Variants in DENND2A observed in about 807,000 individuals in gnomAD.
The protein encoded by DENND2A is DENN domain-containing protein 2A.
A neutral mutation model predicts 105.3 loss-of-function variants in DENND2A; 53 were observed. The ratio of observed to expected loss-of-function variants is 0.50; its 90% CI spans 0.40 to 0.63. The LOEUF is 0.63. Ranked by LOEUF, DENND2A falls within the 30% of genes least tolerant of loss-of-function variation. DENND2A has a pLI of 0.00. For missense variants in DENND2A, 1,138 were observed against 1,279.6 expected (o/e 0.89, Z 1.69); for synonymous variants, 522 against 508.4 (o/e 1.03, Z -0.36).
chr7:140,628,536 CTTTT>C (rs987018660), intron 1 of DENND2A, among the ~76,000 whole-genome samples: 1 of 116,138 alleles, frequency 8.6e-6, no homozygotes, highest in Non-Finnish European at 1.8e-5. Flanking sequence ...AAATTTCTTT[CTTTT>C]TTTTTTTTTT....
Position 140,527,571 on chromosome 7 carries a change from TC to T in DENND2A, c.2328-77del. The stretch of plus-strand genomic sequence containing the variant: ...GGAAGCCTCCAGGGGAGAAGGCTCC[TC>T]CCAGAGACAGGATGACTAGGAAAGG... On this transcript the variant is annotated intron_variant, in intron 14 of 19. Transcript: ENST00000496613. This position sits in a 1 kb window ranked among gnomAD's most constrained non-coding sequence, Gnocchi z 4.9. 7.0e-7 allele frequency: 1 copy of T among 1,428,558 alleles called. No individual in the cohort carries two copies. 88.5% of individuals were successfully genotyped at this position (1,428,558 alleles called of 1,614,324 possible).
intron 2 of DENND2A, among the ~76,000 whole-genome samples, chr7:140,604,238 C>T (rs1179463433): frequency 6.6e-6 from 1 of 152,230 alleles, no homozygotes; most frequent in Non-Finnish European, 1.5e-5. Context: ...GCTTTCTATT[C>T]CCAAGGTTGT....
At chr7:140,538,594 C>G (rs1796532780) in intron 14 of DENND2A, among the ~76,000 whole-genome samples, 1 of 152,038 alleles carries the variant, frequency 6.6e-6, no homozygotes, top group African/African-American at 2.4e-5. Flanking sequence ...GCAACCTCCA[C>G]CTCCCAGGTT....
chr7:140,527,540 G>A lies in DENND2A; in HGVS notation c.2328-45C>T, dbSNP rs1346794146. On this transcript the variant is annotated intron_variant, in intron 14 of 19. Coordinates refer to ENST00000496613, the MANE Select transcript of DENND2A (RefSeq NM_015689.5). This position sits in a 1 kb window ranked among gnomAD's most constrained non-coding sequence, Gnocchi z 4.9. Reference sequence around the variant, plus strand: ...AGGGAGAGAGGCCGACTCAGCGAGGGCCCGAGGAAGCCTCCAGGGGAGAAG... The same window carrying A: ...AGGGAGAGAGGCCGACTCAGCGAGGACCCGAGGAAGCCTCCAGGGGAGAAG... 5 of 1,533,104 alleles carry A rather than the reference G, an allele frequency of 3.3e-6. No homozygotes were observed. Among genetic ancestry groups the A allele is most frequent in the Non-Finnish European group, 3.5e-6 (4 of 1,136,374 alleles). The allele number at this position is 1,533,104 out of a possible 1,614,324, so 95.0% of individuals were successfully genotyped here.
chr7:140,592,954 C>G (rs776926084), intron 3 of DENND2A, among the ~76,000 whole-genome samples: 1 of 152,144 alleles, frequency 6.6e-6, no homozygotes, highest in Non-Finnish European at 1.5e-5. Flanking sequence ...ATCAGTCCTC[C>G]CCTTCTGAGG....
At chr7:140,530,379 C>T (rs1272976289) in intron 14 of DENND2A, among the ~76,000 whole-genome samples, 1 of 152,126 alleles carries the variant, frequency 6.6e-6, no homozygotes, top group Non-Finnish European at 1.5e-5. Context: ...ACTATTGAAT[C>T]TTGTTCATTT....
chr7:140,568,227 A>C (rs1797954949), intron 8 of DENND2A, among the ~76,000 whole-genome samples: 1 of 152,184 alleles, frequency 6.6e-6, no homozygotes, highest in Non-Finnish European at 1.5e-5. Context: ...GGCGTGAGCC[A>C]CCAAGCCCGG....
intron 1 of DENND2A, among the ~76,000 whole-genome samples, chr7:140,613,923 A>C (rs151157994): frequency 4.5e-4 from 69 of 152,206 alleles, no homozygotes; most frequent in Middle Eastern, 6.8e-3. Context: ...TTCCCATGGA[A>C]AATGTGGATT....
chr7:140,552,496 C>A (rs1302920948), intron 12 of DENND2A, among the ~76,000 whole-genome samples: 2 of 151,412 alleles, frequency 1.3e-5, no homozygotes. Flanking sequence ...TAGGCTCAAG[C>A]AATCCTCCCA....
chr7:140,520,943 C>T (rs1462845334), intron 18 of DENND2A, among the ~76,000 whole-genome samples: 3 of 141,010 alleles, frequency 2.1e-5, no homozygotes, highest in Admixed American at 7.2e-5. Context: ...GGTGCAATCT[C>T]GGCTCACTGC....
chr7:140,579,883 G>GC, intron 5 of DENND2A, among the ~76,000 whole-genome samples: 1 of 152,166 alleles, frequency 6.6e-6, no homozygotes, highest in Admixed American at 6.5e-5. Context: ...TGTAATCCAA[G>GC]CACTTTGGGA....
chr7:140,580,311 A>ATGCATGTATGCATGTG (rs1798487781), intron 5 of DENND2A, among the ~76,000 whole-genome samples: 1 of 152,134 alleles, frequency 6.6e-6, no homozygotes, highest in Non-Finnish European at 1.5e-5. Context: ...GCATGTATGT[A>ATGCATGTATGCATGTG]TGCATGTATG....
At chr7:140,525,066 G>A (rs938449368) in intron 16 of DENND2A, among the ~76,000 whole-genome samples, 1 of 150,886 alleles carries the variant, frequency 6.6e-6, no homozygotes, top group Non-Finnish European at 1.5e-5. Context: ...GGTGGTGCAT[G>A]CCTCCAGCTA....
At chr7:140,594,358 C>T (rs997072524) in intron 3 of DENND2A, among the ~76,000 whole-genome samples, 2 of 152,224 alleles carry the variant, frequency 1.3e-5, no homozygotes, top group African/African-American at 4.8e-5. Context: ...CCTCAGGCCA[C>T]ACTCCTGCCT....
intron 7 of DENND2A, among the ~76,000 whole-genome samples, chr7:140,569,084 C>CA (rs1797986663): frequency 1.3e-5 from 2 of 152,254 alleles, no homozygotes; most frequent in South Asian, 4.1e-4. Context: ...GCCACCATGC[C>CA]TGGCTAATTT....
intron 13 of DENND2A, 29 bp downstream of exon 13, chr7:140,546,770 A>G: frequency 6.2e-7 from 1 of 1,611,418 alleles, no homozygotes. Flanking sequence ...CTGCCTCCCC[A>G]GGGAGAAGGA....
At chr7:140,583,713 A>G (rs1216380149) in intron 5 of DENND2A, among the ~76,000 whole-genome samples, 1 of 146,310 alleles carries the variant, frequency 6.8e-6, no homozygotes, top group Non-Finnish European at 1.5e-5. Context: ...GCAGATCACA[A>G]GGTCAGGAGA....
intron 9 of DENND2A, among the ~76,000 whole-genome samples, chr7:140,566,818 G>A (rs1266126401): frequency 5.3e-5 from 8 of 151,352 alleles, no homozygotes; most frequent in Admixed American, 4.6e-4. Context: ...TGAGTAGCTG[G>A]GACTGCAGGT....
intron 8 of DENND2A, among the ~76,000 whole-genome samples, chr7:140,567,521 C>T (rs1340827095): frequency 1.3e-5 from 2 of 152,150 alleles, no homozygotes; most frequent in African/African-American, 2.4e-5. Flanking sequence ...CTGGGAGAAC[C>T]AACATTCAGT....
Sources: gnomAD v4.1 joint callset for allele counts (sites outside exome capture counted in the v4.1 genomes callset) on GRCh38, gnomAD v4.1.1 for gene constraint, Gnocchi (gnomAD v3.1) non-coding constraint, MANE v1.5 for transcripts, NCBI Gene and HGNC (gene_info 2026-07-23, HGNC 2026-07-21) for gene names.